FRK: variants seen among roughly 807,000 people sequenced by gnomAD.
FRK encodes fyn related Src family tyrosine kinase.
Under a neutral mutation model 56.4 loss-of-function variants are expected in FRK, and 51 were observed. The observed-to-expected ratio is 0.90, with a 90% CI of 0.72 to 1.14. The LOEUF is 1.14. Ranked by LOEUF, FRK falls within the 50% of genes most tolerant of loss-of-function variation. FRK has a pLI of 0.00. For synonymous variants in FRK, 245 were observed against 217.9 expected (o/e 1.12, Z -1.10); for missense variants, 570 against 601.4 (o/e 0.95, Z 0.55).
intron 3 of FRK, 139 bp from the exon 4 acceptor site, chr6:115,967,858 A>T: frequency 1.5e-6 from 1 of 647,528 alleles, no homozygotes; most frequent in Non-Finnish European, 2.5e-6. Context: ...TAATTACTTC[A>T]AAAACAAAAA....
intron 1 of FRK, among the ~76,000 whole-genome samples, chr6:116,033,370 G>A (rs771838837): frequency 6.6e-6 from 1 of 152,068 alleles, no homozygotes; most frequent in African/African-American, 2.4e-5. Flanking sequence ...AAATTACTTA[G>A]GGATAATTTG....
the FRK span, among the ~76,000 whole-genome samples, chr6:116,074,025 C>G: frequency 2.6e-3 from 392 of 152,242 alleles, 12 homozygotes; most frequent in South Asian, 0.044. Context: ...CCTGCATGAT[C>G]AGCAAAGCTA....
intron 2 of FRK, among the ~76,000 whole-genome samples, chr6:115,986,716 T>C (rs1774410981): frequency 6.6e-6 from 1 of 152,100 alleles, no homozygotes; most frequent in African/African-American, 2.4e-5. Context: ...GGAGAAAAAT[T>C]ATGATCTCTA....
chr6:115,994,338 C>CCCTTTTTTTT (rs1554230544), intron 2 of FRK, among the ~76,000 whole-genome samples: 1 of 91,772 alleles, frequency 1.1e-5, no homozygotes, highest in Non-Finnish European at 2.4e-5. Flanking sequence ...CCCCCCCCGC[C>CCCTTTTTTTT]TTTTTTTTGT....
rs1772107303 is a variant in FRK at position 115,939,152 on chromosome 6, C to T, written c.*3262G>A. ...AGCTTATCCACCACGATCAAGTTGG[C>T]TTCATCCCTGAGACACAAGGCTGGT... On this transcript the variant is annotated 3_prime_UTR_variant, in exon 8 of 8. Coordinates refer to ENST00000606080, the MANE Select transcript of FRK (RefSeq NM_002031.3). The T allele has an allele frequency of 1.3e-5, 2 of 152,162 alleles. No individual in the cohort carries two copies. Among genetic ancestry groups the T allele is most frequent in the African/African-American group, 4.8e-5 (2 of 41,430 alleles). 9.4% of individuals were successfully genotyped at this position (152,162 alleles called of 1,614,324 possible). A position where few individuals can be genotyped will look rare whatever the true frequency, so the allele number is the denominator to read the frequency against.
At chr6:115,981,367 C>T (rs967865239) in intron 2 of FRK, among the ~76,000 whole-genome samples, 12 of 152,088 alleles carry the variant, frequency 7.9e-5, no homozygotes, top group Middle Eastern at 3.4e-3. Flanking sequence ...GTCTGAAGTA[C>T]ACCGTTAGTT....
intron 4 of FRK, among the ~76,000 whole-genome samples, chr6:115,963,094 C>T (rs1300704870): frequency 2.9e-5 from 1 of 34,458 alleles, no homozygotes; most frequent in African/African-American, 7.5e-5. Context: ...TTCAAAAAAT[C>T]AATGAATCCA....
chr6:116,011,766 G>T (rs1017986229), intron 1 of FRK, among the ~76,000 whole-genome samples: 1 of 152,168 alleles, frequency 6.6e-6, no homozygotes, highest in Non-Finnish European at 1.5e-5. Flanking sequence ...TGAAAGGCTT[G>T]ATTCATGCCC....
In FRK at chr6:116,023,560, T is replaced by C. The variant is rs559935261; in HGVS notation, c.345-19562A>G. ...AAGTAGATATATGATTGCATTTATA[T>C]GAAGTGCCAGCATAGGCAAAACTAA... On this transcript the variant is annotated intron_variant, in intron 1 of 7. Coordinates refer to ENST00000606080, the MANE Select transcript of FRK (RefSeq NM_002031.3). 2.7e-3 allele frequency among the ~76,000 whole-genome samples: 413 copies of C among 152,262 alleles called. 2 individuals are homozygous for C. The highest frequency in any genetic ancestry group is 9.0e-3 in the African/African-American group (373 of 41,554).
intron 1 of FRK, among the ~76,000 whole-genome samples, chr6:116,044,345 T>C (rs746177597): frequency 3.3e-5 from 5 of 152,226 alleles, no homozygotes; most frequent in Non-Finnish European, 5.9e-5. Context: ...AATAAAATAC[T>C]GGCAAACTGA....
intron 1 of FRK, among the ~76,000 whole-genome samples, chr6:116,033,432 G>A (rs1285943543): frequency 1.3e-5 from 2 of 152,222 alleles, no homozygotes; most frequent in Middle Eastern, 3.4e-3. Flanking sequence ...TTACATCTAT[G>A]AGACCAGTTC....
In FRK at chr6:116,060,282, C is replaced by CT. The variant is rs1263545363; in HGVS notation, c.29dup (p.Tyr11ValfsTer20). The CT allele has an allele frequency of 6.2e-7, 1 of 1,613,978 alleles. No individual in the cohort carries two copies. The highest frequency in any genetic ancestry group is 1.1e-5 in the South Asian group (1 of 91,058). On this transcript the variant is annotated frameshift_variant, in exon 1 of 8. Coordinates refer to ENST00000606080, the MANE Select transcript of FRK (RefSeq NM_002031.3). LOFTEE classifies it high-confidence loss of function. Reference sequence around the variant, plus strand: ...AACAGGGGAGATAGGGTTCTAGGTACTCCCAGAGCCTCTGACAGATGTTGC... The same window carrying CT: ...AACAGGGGAGATAGGGTTCTAGGTACTTCCCAGAGCCTCTGACAGATGTTGC...
the FRK span, among the ~76,000 whole-genome samples, chr6:116,093,429 C>A: frequency 2.6e-5 from 4 of 152,318 alleles, no homozygotes; most frequent in Admixed American, 6.5e-5. Context: ...GGGTCTAGGG[C>A]AAACCTTTGA....
intron 1 of FRK, among the ~76,000 whole-genome samples, chr6:116,018,329 C>G (rs894819714): frequency 3.5e-4 from 54 of 152,150 alleles, no homozygotes; most frequent in African/African-American, 1.3e-3. Flanking sequence ...CACAAACAGC[C>G]AGAGCTTTGA....
chr6:116,068,722 C>A, the FRK span, among the ~76,000 whole-genome samples: 2 of 151,938 alleles, frequency 1.3e-5, no homozygotes, highest in Admixed American at 6.6e-5. Context: ...ATCATGAAAC[C>A]CTATTTCTAT....
chr6:115,948,059 G>A (rs952368023), intron 5 of FRK, among the ~76,000 whole-genome samples: 3 of 152,098 alleles, frequency 2.0e-5, no homozygotes, highest in Non-Finnish European at 1.5e-5. Flanking sequence ...GAAGTAGGTG[G>A]GATATCACTT....
chr6:115,975,702 A>C (rs1346557590), intron 2 of FRK, among the ~76,000 whole-genome samples: 1 of 152,208 alleles, frequency 6.6e-6, no homozygotes, highest in Non-Finnish European at 1.5e-5. Flanking sequence ...TGCAAAAAAT[A>C]TATAAGATTA....
At chr6:116,055,499 T>C (rs1444550629) in intron 1 of FRK, among the ~76,000 whole-genome samples, 2 of 152,206 alleles carry the variant, frequency 1.3e-5, no homozygotes, top group African/African-American at 4.8e-5. Context: ...CCTGCTAAAG[T>C]GCTAACAAGA....
chr6:115,961,303 A>G (rs1773350754), intron 4 of FRK, among the ~76,000 whole-genome samples: 2 of 113,868 alleles, frequency 1.8e-5, no homozygotes, highest in African/African-American at 3.4e-5. Flanking sequence ...CAGCAATGGA[A>G]GATGAAATGA....
Sources: allele counts gnomAD v4.1 joint callset (sites outside exome capture counted in the v4.1 genomes callset), GRCh38; gene constraint gnomAD v4.1.1; transcripts MANE v1.5; gene names NCBI Gene and HGNC (gene_info 2026-07-23, HGNC 2026-07-21).